Variants in ASH1L observed in about 807,000 individuals in gnomAD.
ASH1L encodes the protein ASH1 like histone lysine methyltransferase.
A neutral mutation model predicts 269.0 loss-of-function variants in ASH1L; 23 were observed. The ratio of observed to expected loss-of-function variants is 0.09; its 90% CI spans 0.06 to 0.12. ASH1L has a LOEUF of 0.12. Among genes scored for constraint, ASH1L ranks in the 10% least tolerant of loss-of-function variants. The pLI, the probability that ASH1L is intolerant of heterozygous loss-of-function variation, is 1.00. For missense variants in ASH1L, 2,912 were observed against 3,567.8 expected (o/e 0.82, Z 4.68); for synonymous variants, 1,187 against 1,253.5 (o/e 0.95, Z 1.12).
intron 2 of ASH1L, among the ~76,000 whole-genome samples, chr1:155,512,803 T>C (rs1668249684): frequency 6.6e-6 from 1 of 151,810 alleles, no homozygotes; most frequent in Non-Finnish European, 1.5e-5. Flanking sequence ...TGACACCTTG[T>C]AATCCCAGCA....
chr1:155,476,007 T>G (rs1227322245), intron 3 of ASH1L, among the ~76,000 whole-genome samples: 1 of 152,248 alleles, frequency 6.6e-6, no homozygotes, highest in African/African-American at 2.4e-5. Flanking sequence ...GAATGCCTGG[T>G]AAATACCTGA....
intron 2 of ASH1L, among the ~76,000 whole-genome samples, chr1:155,485,841 T>C (rs1666297992): frequency 6.6e-6 from 1 of 152,074 alleles, no homozygotes; most frequent in Non-Finnish European, 1.5e-5. Flanking sequence ...TTTCCAAATA[T>C]TAGACAAGAA....
At chr1:155,383,447 T>G (rs189825067) in intron 7 of ASH1L, among the ~76,000 whole-genome samples, 3 of 152,332 alleles carry the variant, frequency 2.0e-5, no homozygotes, top group African/African-American at 7.2e-5. Flanking sequence ...GTACCTTTTC[T>G]ACATTTAGAT....
At chr1:155,427,950 CCTTCTT>C in intron 5 of ASH1L, among the ~76,000 whole-genome samples, 1 of 152,282 alleles carries the variant, frequency 6.6e-6, no homozygotes, top group African/African-American at 2.4e-5. Context: ...TCGTCCTTCT[CCTTCTT>C]GCTCCTGCTC....
Position 155,521,388 on chromosome 1 carries a change from C to G in ASH1L, c.132G>C (p.Lys44Asn), listed in dbSNP as rs755691746. The G allele has an allele frequency of 5.0e-6, 8 of 1,614,124 alleles. No homozygotes were observed. Among genetic ancestry groups the G allele is most frequent in the Non-Finnish European group, 6.8e-6 (8 of 1,180,016 alleles). Residue 44 changes from lysine (K) to asparagine (N), a missense_variant, in exon 2 of 28, where the codon AAG becomes AAC. Around this residue, in one of 13 missense-constraint regions of ASH1L, gnomAD observed 115 missense variants for 101.5 expected, o/e 1.13. Transcript: ENST00000392403. Reference sequence around the variant, plus strand: ...TCCGTTTGCGAAGGTCCTCTTCCTCCTTTGTGTTTTTTTCTAGCTCTACTT... The same window carrying G: ...TCCGTTTGCGAAGGTCCTCTTCCTCGTTTGTGTTTTTTTCTAGCTCTACTT... ...KREVELEKNT[K>N]EEEDLRKRNR...
intron 13 of ASH1L, among the ~76,000 whole-genome samples, chr1:155,359,989 T>C (rs1251634001): frequency 6.6e-6 from 1 of 151,840 alleles, no homozygotes; most frequent in African/African-American, 2.4e-5. Flanking sequence ...GCCTCCAAGG[T>C]TGAAGCAATT....
At chr1:155,457,684 G>A (rs1031500478) in intron 4 of ASH1L, among the ~76,000 whole-genome samples, 6 of 152,206 alleles carry the variant, frequency 3.9e-5, no homozygotes, top group African/African-American at 1.2e-4. Context: ...ATTGAGGGCA[G>A]TAACTCAATC....
chr1:155,344,525 G>A, intron 21 of ASH1L: 2 of 346,120 alleles, frequency 5.8e-6, no homozygotes, highest in Non-Finnish European at 1.1e-5. Flanking sequence ...CGTAATCTAG[G>A]GGCCATATGA....
chr1:155,483,465 G>C (rs1391679007), intron 2 of ASH1L, among the ~76,000 whole-genome samples: 1 of 152,004 alleles, frequency 6.6e-6, no homozygotes, highest in African/African-American at 2.4e-5. Flanking sequence ...CATTGAAACA[G>C]TACAGAAGTG....
intron 5 of ASH1L, among the ~76,000 whole-genome samples, chr1:155,422,775 G>C (rs1342145086): frequency 1.3e-5 from 2 of 150,998 alleles, no homozygotes; most frequent in Non-Finnish European, 2.9e-5. Flanking sequence ...TCAGCTTCCT[G>C]AAGAGCTGAG....
At chr1:155,359,699 C>G (rs965822194) in intron 13 of ASH1L, among the ~76,000 whole-genome samples, 1 of 152,128 alleles carries the variant, frequency 6.6e-6, no homozygotes, top group Non-Finnish European at 1.5e-5. Context: ...CCTCAGCCTC[C>G]CAAGTAGCTG....
chr1:155,482,998 A>C (rs1666061996), intron 2 of ASH1L, among the ~76,000 whole-genome samples: 1 of 152,174 alleles, frequency 6.6e-6, no homozygotes, highest in African/African-American at 2.4e-5. Context: ...AATGTGGAAT[A>C]GGAAAGACAA....
In ASH1L at chr1:155,346,425, C is replaced by A; in HGVS notation, c.7848G>T (p.Glu2616Asp). 6.2e-7 allele frequency: 1 copy of A among 1,614,060 alleles called. No homozygotes were observed. Among genetic ancestry groups the A allele is most frequent in the Non-Finnish European group, 8.5e-7 (1 of 1,179,974 alleles). Residue 2616 changes from glutamate to aspartate, a missense_variant, in exon 21 of 28, where the codon GAG becomes GAT. Glu to Asp is a conservative substitution (Grantham distance 45, BLOSUM62 2). Coordinates refer to ENST00000392403, the MANE Select transcript of ASH1L (RefSeq NM_018489.3). ...GGTCACACTGCTCACAAAGGTAGTG[C>A]TCCACATCTGAGTTCACTCCCATAC... ...CDCMGVNSDV[E>D]HYLCEQCDPR... is the part of the protein sequence containing the mutation.
In ASH1L at chr1:155,399,039, C is replaced by G. The variant is rs113878003; in HGVS notation, c.6009-3486G>C. Among the ~76,000 whole-genome samples the G allele has an allele frequency of 1.2e-3, 185 of 152,226 alleles. 2 individuals are homozygous for G. Among genetic ancestry groups the G allele is most frequent in the African/African-American group, 4.2e-3 (175 of 41,534 alleles). ...TGAGCCATTGTGCCCAGCCTACAAA[C>G]TTTTCAGGATAAAATTTGGCACTTA... On this transcript the variant is annotated intron_variant, in intron 6 of 27. Coordinates refer to ENST00000392403, the MANE Select transcript of ASH1L (RefSeq NM_018489.3).
At chr1:155,444,425 A>T (rs541626434) in intron 4 of ASH1L, among the ~76,000 whole-genome samples, 4 of 152,238 alleles carry the variant, frequency 2.6e-5, no homozygotes, top group African/African-American at 7.2e-5. Context: ...TTTACATTTT[A>T]ATCATTCTAA....
intron 13 of ASH1L, among the ~76,000 whole-genome samples, chr1:155,358,382 T>A (rs963224589): frequency 1.3e-5 from 2 of 151,904 alleles, no homozygotes; most frequent in Non-Finnish European, 2.9e-5. Flanking sequence ...CCTATATACT[T>A]CTTTAAAAAA....
At chr1:155,378,190 T>C in intron 10 of ASH1L, 91 bp downstream of exon 10, 1 of 943,122 alleles carries the variant, frequency 1.1e-6, no homozygotes, top group Admixed American at 2.2e-5. Context: ...TTGAAAAAAA[T>C]CAAAGAGCCT....
At chr1:155,505,181 C>A (rs1667734606) in intron 2 of ASH1L, among the ~76,000 whole-genome samples, 1 of 152,158 alleles carries the variant, frequency 6.6e-6, no homozygotes, top group Non-Finnish European at 1.5e-5. Context: ...TTTTACAGCA[C>A]AACTGAGAAA....
chr1:155,451,418 C>A (rs1663458075), intron 4 of ASH1L, among the ~76,000 whole-genome samples: 1 of 152,036 alleles, frequency 6.6e-6, no homozygotes, highest in Admixed American at 6.6e-5. Context: ...ATTGGTTGCA[C>A]AATAATGTAA....
Sources: allele counts gnomAD v4.1 joint callset (sites outside exome capture counted in the v4.1 genomes callset), GRCh38; gene constraint gnomAD v4.1.1; regional missense constraint gnomAD v4.1.1; transcripts MANE v1.5; gene names NCBI Gene and HGNC (gene_info 2026-07-23, HGNC 2026-07-21).